Variants in RBFOX1 observed in about 807,000 individuals in gnomAD.
The protein encoded by RBFOX1 is RNA binding protein fox-1 homolog 1.
A neutral mutation model predicts 57.7 loss-of-function variants in RBFOX1; 8 were observed. That is an observed-to-expected ratio of 0.14 (90% confidence interval 0.08 to 0.25). The LOEUF is 0.25. Ranked by LOEUF, RBFOX1 falls within the 10% of genes least tolerant of loss-of-function variation. The probability of loss-of-function intolerance (pLI) is 1.00; values close to 1 mark genes in which losing one functional copy is unlikely to be tolerated. For synonymous variants in RBFOX1, 326 were observed against 222.4 expected (o/e 1.47, Z -4.15); for missense variants, 611 against 548.5 (o/e 1.11, Z -1.14).
chr16:6,881,435 G>A (rs1355780439), intron 3 of RBFOX1, among the ~76,000 whole-genome samples: 2 of 152,254 alleles, frequency 1.3e-5, no homozygotes, highest in Middle Eastern at 3.4e-3. Flanking sequence ...TCCTTCTGAG[G>A]GCTGTGAGCA....
intron 4 of RBFOX1, among the ~76,000 whole-genome samples, chr16:5,909,751 C>T (rs1567136276): frequency 6.6e-6 from 1 of 152,160 alleles, no homozygotes; most frequent in Non-Finnish European, 1.5e-5. Context: ...TGTCAGAGCA[C>T]TGAAATTTTT....
intron 3 of RBFOX1, among the ~76,000 whole-genome samples, chr16:6,829,071 G>T (rs1303875996): frequency 6.6e-6 from 1 of 152,030 alleles, no homozygotes; most frequent in East Asian, 1.9e-4. Context: ...CGGGATCAGG[G>T]TCCCACCAGC....
chr16:7,445,387 C>T (rs1009806137), intron 4 of RBFOX1, among the ~76,000 whole-genome samples: 2 of 152,126 alleles, frequency 1.3e-5, no homozygotes, highest in East Asian at 3.9e-4. Context: ...CCCTTATGCA[C>T]CAGCTCCATT....
intron 1 of RBFOX1, among the ~76,000 whole-genome samples, chr16:5,401,780 C>G (rs911321511): frequency 7.6e-6 from 1 of 131,412 alleles, no homozygotes; most frequent in Non-Finnish European, 1.6e-5. Context: ...CCTCCTCCTC[C>G]TCCTCCTCCT....
At chr16:7,424,087 A>C (rs763189696) in intron 4 of RBFOX1, among the ~76,000 whole-genome samples, 5 of 152,164 alleles carry the variant, frequency 3.3e-5, no homozygotes, top group Non-Finnish European at 4.4e-5. Flanking sequence ...GTTTATTCTG[A>C]GTCTCTTTTT....
intron 3 of RBFOX1, among the ~76,000 whole-genome samples, chr16:6,883,563 C>T (rs186015454): frequency 9.3e-4 from 141 of 152,338 alleles, no homozygotes; most frequent in African/African-American, 3.2e-3. Context: ...TGTAACTGCT[C>T]AGCTTACCTT....
intron 4 of RBFOX1, among the ~76,000 whole-genome samples, chr16:7,394,280 A>T (rs2098102934): frequency 6.6e-6 from 1 of 151,638 alleles, no homozygotes; most frequent in South Asian, 2.1e-4. Context: ...AAAGAAATAA[A>T]AAATAGTCAT....
intron 1 of RBFOX1, among the ~76,000 whole-genome samples, chr16:5,266,384 C>T (rs1167187189): frequency 1.3e-5 from 2 of 152,056 alleles, no homozygotes; most frequent in African/African-American, 4.8e-5. Context: ...ATAATAGCCC[C>T]CATCTGAGAA....
At chr16:7,542,702 A>AG (rs1491086788) in intron 5 of RBFOX1, among the ~76,000 whole-genome samples, 1 of 22,334 alleles carries the variant, frequency 4.5e-5, no homozygotes, top group Non-Finnish European at 2.8e-4. Context: ...TAAAAATGAA[A>AG]AAAAAAAAAA....
chr16:5,344,765 A>G (rs1447585032), intron 1 of RBFOX1, among the ~76,000 whole-genome samples: 2 of 152,228 alleles, frequency 1.3e-5, no homozygotes, highest in Admixed American at 1.3e-4. Context: ...AAAAAAGTAA[A>G]CAAAATTATC....
chr16:5,397,944 C>T (rs1054503731), intron 1 of RBFOX1, among the ~76,000 whole-genome samples: 11 of 152,186 alleles, frequency 7.2e-5, no homozygotes, highest in African/African-American at 2.2e-4. Flanking sequence ...CTGAACAAGA[C>T]ATTCGAGGTC....
At chr16:7,580,212 C>CT (rs2093645669) in intron 6 of RBFOX1, among the ~76,000 whole-genome samples, 1 of 152,048 alleles carries the variant, frequency 6.6e-6, no homozygotes. Flanking sequence ...TGAAGGAAGC[C>CT]TATTGATGGT....
chr16:6,366,757 A>G (rs1426522514), intron 2 of RBFOX1, among the ~76,000 whole-genome samples: 1 of 152,228 alleles, frequency 6.6e-6, no homozygotes, highest in Admixed American at 6.5e-5. Context: ...CTGAAATGAC[A>G]TGCTCCAGGT....
At chr16:7,358,126 T>G (rs1466760994) in intron 4 of RBFOX1, among the ~76,000 whole-genome samples, 1 of 152,212 alleles carries the variant, frequency 6.6e-6, no homozygotes, top group Non-Finnish European at 1.5e-5. Context: ...TGATTAACTT[T>G]CATAACTCAC....
intron 1 of RBFOX1, among the ~76,000 whole-genome samples, chr16:6,079,706 C>T (rs956043924): frequency 2.6e-5 from 4 of 152,106 alleles, no homozygotes; most frequent in African/African-American, 9.7e-5. Flanking sequence ...TGTGATGGCA[C>T]ACACTTGTGA....
chr16:6,963,092 C>T (rs900615268), intron 3 of RBFOX1, among the ~76,000 whole-genome samples: 2 of 152,112 alleles, frequency 1.3e-5, no homozygotes, highest in African/African-American at 4.8e-5. Context: ...CTTCCCTCTC[C>T]TTTACTGAGG....
intron 3 of RBFOX1, among the ~76,000 whole-genome samples, chr16:6,823,476 C>G (rs559119344): frequency 6.6e-6 from 1 of 152,172 alleles, no homozygotes; most frequent in East Asian, 1.9e-4. Context: ...ACGCTAGTCT[C>G]AAACTACTGG....
At chr16:6,919,311 A>C (rs900954534) in intron 3 of RBFOX1, among the ~76,000 whole-genome samples, 1 of 152,112 alleles carries the variant, frequency 6.6e-6, no homozygotes, top group Admixed American at 6.6e-5. Flanking sequence ...TTCTTGACCA[A>C]TTCCTATTTA....
chr16:7,497,142 G>A (rs1427764496), intron 4 of RBFOX1, among the ~76,000 whole-genome samples: 2 of 152,094 alleles, frequency 1.3e-5, no homozygotes, highest in Non-Finnish European at 2.9e-5. Flanking sequence ...CTCTTCAATG[G>A]CCTCCCGTTA....
Sources: gnomAD v4.1 joint callset for allele counts (sites outside exome capture counted in the v4.1 genomes callset) on GRCh38, gnomAD v4.1.1 for gene constraint, MANE v1.5 for transcripts, NCBI Gene and HGNC (gene_info 2026-07-23, HGNC 2026-07-21) for gene names.